The following NXPH1 variants were observed in gnomAD, a reference collection of about 807,000 sequenced individuals.
NXPH1 encodes neurexophilin 1, also known as neurexophilin-1.
NXPH1 carries 5 observed loss-of-function variants against 23.7 expected under a neutral mutation model. The observed-to-expected ratio is 0.21, with a 90% confidence interval of 0.11 to 0.44. The LOEUF is 0.44. NXPH1 is among the 20% of genes least tolerant of loss of function. NXPH1 has a pLI of 0.99. For missense variants in NXPH1, 324 were observed against 321.6 expected (o/e 1.01, Z -0.06); for synonymous variants, 144 against 122.2 (o/e 1.18, Z -1.18).
rs79665652 is a variant in NXPH1, at chr7:8,494,547, A to T, written c.54+58780A>T. Among the ~76,000 whole-genome samples, 4 of 152,092 alleles carry T rather than the reference A, an allele frequency of 2.6e-5. No homozygotes were observed. In the East Asian group the frequency reaches 7.8e-4, roughly 30 times the overall value. On this transcript the variant is annotated intron_variant, in intron 2 of 2. Transcript: ENST00000405863. ...TGTAGAGTGAAGATCACAATCACAT[A>T]GTAACAGTTTCAGAAAATTGTTGCT...
intron 2 of NXPH1, among the ~76,000 whole-genome samples, chr7:8,513,978 T>C (rs1188351137): frequency 6.6e-6 from 1 of 152,090 alleles, no homozygotes; most frequent in Non-Finnish European, 1.5e-5. Flanking sequence ...CCTTGGCTTG[T>C]AGAGGACCAT....
At chr7:8,631,604 C>G (rs987952536) in intron 2 of NXPH1, among the ~76,000 whole-genome samples, 4 of 152,022 alleles carry the variant, frequency 2.6e-5, no homozygotes, top group African/African-American at 7.2e-5. Flanking sequence ...CACTTTTCAA[C>G]TTTTATTTTT....
At chr7:8,674,876 C>T (rs527601618) in intron 2 of NXPH1, among the ~76,000 whole-genome samples, 11 of 152,214 alleles carry the variant, frequency 7.2e-5, no homozygotes, top group African/African-American at 1.4e-4. Context: ...CAGGAACAAT[C>T]GACCTAGAAA....
chr7:8,516,011 C>A lies in NXPH1; in HGVS notation c.54+80244C>A, dbSNP rs564367266. 3.9e-5 allele frequency among the ~76,000 whole-genome samples: 6 copies of A among 152,176 alleles called. No homozygotes were observed. The South Asian group carries it at 1.2e-3, about 32-fold the overall frequency. On this transcript the variant is annotated intron_variant, in intron 2 of 2. Transcript: ENST00000405863. ...TGCATGCACCAACTTCTGTCTTAGTCATATATTTTTCTGCCACCAAACCTT... is the reference window on the plus strand; with the variant it reads ...TGCATGCACCAACTTCTGTCTTAGTAATATATTTTTCTGCCACCAAACCTT...
At chr7:8,722,038 G>C (rs1447685925) in intron 2 of NXPH1, among the ~76,000 whole-genome samples, 1 of 152,094 alleles carries the variant, frequency 6.6e-6, no homozygotes, top group African/African-American at 2.4e-5. Context: ...GCTTGTAGCA[G>C]GAGAGAACCT....
intron 2 of NXPH1, among the ~76,000 whole-genome samples, chr7:8,476,969 A>C (rs1183138618): frequency 6.6e-6 from 1 of 152,186 alleles, no homozygotes; most frequent in African/African-American, 2.4e-5. Flanking sequence ...TTTAAATTGA[A>C]GACTAGCTGG....
intron 2 of NXPH1, among the ~76,000 whole-genome samples, chr7:8,713,909 C>T (rs1204844420): frequency 2.0e-5 from 3 of 152,204 alleles, no homozygotes; most frequent in Non-Finnish European, 4.4e-5. Flanking sequence ...TGCACAGGGT[C>T]AAACCTGAAG....
At chr7:8,528,038 A>G (rs1381128483) in intron 2 of NXPH1, among the ~76,000 whole-genome samples, 1 of 152,264 alleles carries the variant, frequency 6.6e-6, no homozygotes, top group Non-Finnish European at 1.5e-5. Context: ...GATAAAACTC[A>G]TACGGGTGGT....
chr7:8,520,139 A>C (rs2128615509), intron 2 of NXPH1, among the ~76,000 whole-genome samples: 1 of 152,320 alleles, frequency 6.6e-6, no homozygotes, highest in East Asian at 1.9e-4. Flanking sequence ...ATCATGTGTC[A>C]CGAGAATCTG....
At chr7:8,623,194 G>T (rs1400250206) in intron 2 of NXPH1, among the ~76,000 whole-genome samples, 3 of 152,250 alleles carry the variant, frequency 2.0e-5, no homozygotes, top group African/African-American at 2.4e-5. Context: ...GCAGTGCAGG[G>T]CTCTGCAGGT....
chr7:8,657,318 G>A (rs370109832), intron 2 of NXPH1, among the ~76,000 whole-genome samples: 10 of 152,332 alleles, frequency 6.6e-5, no homozygotes, highest in East Asian at 5.8e-4. Context: ...ATTGTAGGTG[G>A]GAATTGTCAG....
chr7:8,525,988 C>T (rs1817855580), intron 2 of NXPH1, among the ~76,000 whole-genome samples: 1 of 116,418 alleles, frequency 8.6e-6, no homozygotes, highest in Admixed American at 8.2e-5. Flanking sequence ...GCCCTCCAGA[C>T]CCCAGAATGG....
rs547028250 is a variant in NXPH1 at position 8,458,539 on chromosome 7, T to C, written c.54+22772T>C. On this transcript the variant is annotated intron_variant, in intron 2 of 2. Transcript: ENST00000405863. Reference sequence around the variant, plus strand: ...ATGAACCAAAGAGTGATGAAGTGACTAATTCAAGATCACATAGCTAGTTTT... The same window carrying C: ...ATGAACCAAAGAGTGATGAAGTGACCAATTCAAGATCACATAGCTAGTTTT... Among the ~76,000 whole-genome samples, 5 of 152,340 alleles carry C rather than the reference T, an allele frequency of 3.3e-5. No individual in the cohort carries two copies. The East Asian group carries it at 9.6e-4, about 29-fold the overall frequency.
rs12056228 is a variant in NXPH1 at position 8,542,336 on chromosome 7, G to T, written c.54+106569G>T. Among the ~76,000 whole-genome samples the T allele has an allele frequency of 8.7e-3, 1,323 of 151,504 alleles. 85 individuals carry two copies. The East Asian group carries it at 0.16, about 18-fold the overall frequency. On this transcript the variant is annotated intron_variant, in intron 2 of 2. Coordinates refer to ENST00000405863, the MANE Select transcript of NXPH1 (RefSeq NM_152745.3). The stretch of plus-strand genomic sequence containing the variant: ...ATTTCAGAGCTTCAAAATACATGAA[G>T]CAAAAATTGCTAGAACTTTTATAGC...
At chr7:8,641,241 T>C (rs1386265645) in intron 2 of NXPH1, among the ~76,000 whole-genome samples, 1 of 152,212 alleles carries the variant, frequency 6.6e-6, no homozygotes, top group Non-Finnish European at 1.5e-5. Flanking sequence ...CAAGTATTTG[T>C]TTATTAATTT....
chr7:8,655,235 AT>A (rs1215967044), intron 2 of NXPH1, among the ~76,000 whole-genome samples: 1 of 152,054 alleles, frequency 6.6e-6, no homozygotes, highest in Non-Finnish European at 1.5e-5. Flanking sequence ...AAATACAAAA[AT>A]TAGCTGGCCG....
intron 2 of NXPH1, among the ~76,000 whole-genome samples, chr7:8,497,050 C>T (rs1817349310): frequency 6.6e-6 from 1 of 152,012 alleles, no homozygotes; most frequent in East Asian, 1.9e-4. Context: ...TGTGATGTTC[C>T]CCACCCTGTG....
intron 2 of NXPH1, among the ~76,000 whole-genome samples, chr7:8,574,646 C>A (rs1442772914): frequency 1.3e-5 from 2 of 152,100 alleles, no homozygotes; most frequent in Non-Finnish European, 2.9e-5. Context: ...GTGGGTGGGA[C>A]AATGAAAGCT....
At chr7:8,625,956 C>T (rs962895236) in intron 2 of NXPH1, among the ~76,000 whole-genome samples, 1 of 152,112 alleles carries the variant, frequency 6.6e-6, no homozygotes, top group Non-Finnish European at 1.5e-5. Context: ...CTATGACCTT[C>T]AATTAGTTAT....
Sources: allele counts gnomAD v4.1 joint callset (sites outside exome capture counted in the v4.1 genomes callset), GRCh38; gene constraint gnomAD v4.1.1; transcripts MANE v1.5; gene names NCBI Gene and HGNC (gene_info 2026-07-23, HGNC 2026-07-21).